Variants in SUPT7L observed in about 807,000 individuals in gnomAD.
SUPT7L encodes the protein STAGA complex 65 subunit gamma.
A neutral mutation model predicts 35.7 loss-of-function variants in SUPT7L; 15 were observed. The observed-to-expected ratio is 0.42, with a 90% confidence interval of 0.28 to 0.65. The LOEUF (loss-of-function observed/expected upper bound fraction) is 0.65, where lower values mean the gene tolerates loss of function less well. Ranked by LOEUF, SUPT7L falls within the 30% of genes least tolerant of loss-of-function variation. The pLI is 0.23. For synonymous variants in SUPT7L, 168 were observed against 186.2 expected (o/e 0.90, Z 0.79); for missense variants, 434 against 522.2 (o/e 0.83, Z 1.65).
At chr2:27,642,964 C>T in the SUPT7L span, among the ~76,000 whole-genome samples, 838 of 146,850 alleles carry the variant, frequency 5.7e-3, 2 homozygotes, top group African/African-American at 0.017. Flanking sequence ...TATATACACA[C>T]ACACACACAC....
chr2:27,661,252 T>C lies in SUPT7L; in HGVS notation c.151A>G (p.Thr51Ala), dbSNP rs1675090886. Residue 51 changes from threonine to alanine, a missense_variant, in exon 3 of 6, where the codon ACT becomes GCT. Coordinates refer to ENST00000337768, the MANE Select transcript of SUPT7L (RefSeq NM_014860.3). ...GGCTCTGAGGGGATGTCCAGCATAG[T>C]GGGGGGCTTCGGCTTGTTGGCTGAG... is the stretch of plus-strand genomic sequence containing the variant. Reference protein sequence around the residue: ...QPSANKPKPPTMLDIPSEPCS... With the variant: ...QPSANKPKPPAMLDIPSEPCS... The C allele has an allele frequency of 1.2e-6, 2 of 1,613,258 alleles. No individual in the cohort carries two copies. The highest frequency in any genetic ancestry group is 1.7e-6 in the Non-Finnish European group (2 of 1,179,602).
downstream of SUPT7L, among the ~76,000 whole-genome samples, chr2:27,648,766 G>A (rs1674365106): frequency 6.6e-6 from 1 of 152,134 alleles, no homozygotes; most frequent in Non-Finnish European, 1.5e-5. Context: ...CTCCAGAGTA[G>A]CTGGGACCAC....
Position 27,651,975 on chromosome 2 carries a change from T to G in SUPT7L, c.*1510A>C, listed in dbSNP as rs1399856081. The G allele has an allele frequency of 6.6e-6, 1 of 152,072 alleles. No homozygotes were observed. The highest frequency in any genetic ancestry group is 1.5e-5 in the Non-Finnish European group (1 of 68,034). 9.4% of individuals were successfully genotyped at this position (152,072 alleles called of 1,614,324 possible). ...CCAGCCTGGCCAACACGGTGAAACCTCATCTCTACTAAAAATGCAAAAATT... is the reference window on the plus strand; with the variant it reads ...CCAGCCTGGCCAACACGGTGAAACCGCATCTCTACTAAAAATGCAAAAATT... On this transcript the variant is annotated 3_prime_UTR_variant, in exon 6 of 6. Coordinates refer to ENST00000337768, the MANE Select transcript of SUPT7L (RefSeq NM_014860.3).
At position 27,657,724 on chromosome 2, in the gene SUPT7L, C is replaced by T. The variant is rs10209737; in HGVS notation, c.420-55G>A. 338 of 1,489,872 alleles carry T rather than the reference C, an allele frequency of 2.3e-4. No individual in the cohort carries two copies. In the African/African-American group the frequency reaches 4.0e-3, roughly 18 times the overall value. The allele number at this position is 1,489,872 out of a possible 1,614,324, so 92.3% of individuals were successfully genotyped here. On this transcript the variant is annotated intron_variant, in intron 3 of 5. Coordinates refer to ENST00000337768, the MANE Select transcript of SUPT7L (RefSeq NM_014860.3). This position sits in a 1 kb window ranked among gnomAD's most constrained non-coding sequence, Gnocchi z 5.2. ...ATGTTCTTGCAAAGGGGTGACCCCTCCTGTCTTCCCCAGGAGTTTTACAAT... is the reference window on the plus strand; with the variant it reads ...ATGTTCTTGCAAAGGGGTGACCCCTTCTGTCTTCCCCAGGAGTTTTACAAT...
rs201094706 is a variant in SUPT7L at position 27,661,014 on chromosome 2, C to G, written c.389G>C (p.Arg130Pro). The change falls in exon 3 of 6, where the codon CGG becomes CCG. Residue 130 changes from arginine (R) to proline (P), a missense_variant. Arg to Pro is a moderately radical substitution (Grantham distance 103). This residue lies in a region of SUPT7L where 198 missense variants were observed against 190.8 expected (regional missense o/e 1.04). Transcript: ENST00000337768. The stretch of plus-strand genomic sequence containing the variant: ...AAAGTCACTCTCTGGGTCACTGTGC[C>G]GGATCTGGAATGGTGCATTGGGATT... ...CKNPNAPFQI[R>P]HSDPESDFYR... 7 of 1,613,904 alleles carry G rather than the reference C, an allele frequency of 4.3e-6. No homozygotes were observed. The Admixed American group carries it at 1.2e-4, about 27-fold the overall frequency.
rs1284122577 is a variant in SUPT7L, at chr2:27,652,988, A to G, written c.*497T>C. ...TAGATAAGGTGTGTTGTGTTTAGCT[A>G]TTTCCTGTTAGGTATTAGTAATGGG... is the stretch of plus-strand genomic sequence containing the variant. On this transcript the variant is annotated 3_prime_UTR_variant, in exon 6 of 6. Coordinates refer to ENST00000337768, the MANE Select transcript of SUPT7L (RefSeq NM_014860.3). The G allele has an allele frequency of 6.2e-6, 1 of 160,256 alleles. No homozygotes were observed. Among genetic ancestry groups the G allele is most frequent in the Admixed American group, 5.8e-5 (1 of 17,222 alleles). The allele number at this position is 160,256 out of a possible 1,614,324, so 9.9% of individuals were successfully genotyped here. A position where few individuals can be genotyped will look rare whatever the true frequency, so the allele number is the denominator to read the frequency against.
chr2:27,654,623 G>A (rs1390693419), intron 5 of SUPT7L, among the ~76,000 whole-genome samples: 1 of 152,068 alleles, frequency 6.6e-6, no homozygotes, highest in Non-Finnish European at 1.5e-5. Flanking sequence ...CTGGAGTGCA[G>A]TGGTGCAATC....
downstream of SUPT7L, among the ~76,000 whole-genome samples, chr2:27,647,252 A>C (rs1338116994): frequency 6.6e-6 from 1 of 152,188 alleles, no homozygotes; most frequent in Non-Finnish European, 1.5e-5. Context: ...TAGTGACTTG[A>C]TTAGACTTCT....
intron 4 of SUPT7L, among the ~76,000 whole-genome samples, chr2:27,656,389 A>G (rs546193659): frequency 6.6e-6 from 1 of 152,232 alleles, no homozygotes; most frequent in African/African-American, 2.4e-5. Flanking sequence ...CCTCCAGGCA[A>G]TATCATTTTA....
intron 5 of SUPT7L, 140 bp from the exon 6 acceptor site, chr2:27,653,887 T>C: frequency 8.9e-7 from 1 of 1,121,534 alleles, no homozygotes; most frequent in East Asian, 2.5e-5. Flanking sequence ...GGCTGGAGAA[T>C]ATGGTTGTTA....
At chr2:27,653,979 C>T (rs1674678857) in intron 5 of SUPT7L, among the ~76,000 whole-genome samples, 1 of 152,136 alleles carries the variant, frequency 6.6e-6, no homozygotes, top group Non-Finnish European at 1.5e-5. Flanking sequence ...CCTTTCTTTC[C>T]TCTACCTCAC....
chr2:27,650,266 GTTC>G (rs1237398380), downstream of SUPT7L: 1 of 884,114 alleles, frequency 1.1e-6, no homozygotes, highest in African/African-American at 1.7e-5. Flanking sequence ...TGAAAGAACT[GTTC>G]TTACCTCTGA....
chr2:27,659,790 T>TA (rs1350546610), intron 3 of SUPT7L, among the ~76,000 whole-genome samples: 26 of 152,280 alleles, frequency 1.7e-4, no homozygotes, highest in Admixed American at 1.4e-3. Flanking sequence ...CAAGTATGCA[T>TA]ATATGTATGT....
At chr2:27,646,809 C>A (rs1674255772), downstream of SUPT7L, among the ~76,000 whole-genome samples, 1 of 151,758 alleles carries the variant, frequency 6.6e-6, no homozygotes. Context: ...TGCTCTATAT[C>A]TAGTAGAGAA....
chr2:27,660,579 T>G (rs891673691), intron 3 of SUPT7L, among the ~76,000 whole-genome samples: 2 of 152,190 alleles, frequency 1.3e-5, no homozygotes, highest in African/African-American at 4.8e-5. Flanking sequence ...ATTTAAAGAT[T>G]CTTGTGTAGA....
At chr2:27,649,697 A>G (rs1674432406), downstream of SUPT7L, among the ~76,000 whole-genome samples, 1 of 152,180 alleles carries the variant, frequency 6.6e-6, no homozygotes, top group Non-Finnish European at 1.5e-5. Flanking sequence ...TGCATGTATC[A>G]GTATGTTCTT....
chr2:27,655,704 G>A (rs1674773302), intron 4 of SUPT7L, 102 bp from the exon 5 acceptor site: 3 of 1,036,390 alleles, frequency 2.9e-6, no homozygotes, highest in Non-Finnish European at 4.2e-6. Flanking sequence ...ATGAATAACA[G>A]AATTTTAAAA....
At chr2:27,660,498 A>G (rs1055858981) in intron 3 of SUPT7L, among the ~76,000 whole-genome samples, 7 of 152,328 alleles carry the variant, frequency 4.6e-5, no homozygotes, top group Admixed American at 2.0e-4. Flanking sequence ...TCTTGGGGTT[A>G]CAGGCATGAA....
In SUPT7L at chr2:27,655,423, C is replaced by T. The variant is rs199587857; in HGVS notation, c.924G>A (p.Gly308=). 2.4e-5 allele frequency: 39 copies of T among 1,612,752 alleles called. No homozygotes were observed. The East Asian group carries it at 7.8e-4, about 32-fold the overall frequency. The change falls in exon 5 of 6, where the codon GGG becomes GGA. Residue 308 remains glycine, a synonymous_variant. Transcript: ENST00000337768. ...GDQSLPMGVL[G]AQSERFPSNL... is the part of the protein sequence containing the mutation. ...TAGATGGGAAGCGTTCGCTCTGAGC[C>T]CCAAGCACTCCCATAGGCAGTGACT...
Sources: allele counts gnomAD v4.1 joint callset (sites outside exome capture counted in the v4.1 genomes callset), GRCh38; gene constraint gnomAD v4.1.1; regional missense constraint gnomAD v4.1.1; non-coding constraint Gnocchi (gnomAD v3.1); transcripts MANE v1.5; gene names NCBI Gene and HGNC (gene_info 2026-07-23, HGNC 2026-07-21).